The following HDAC8 variants were observed in gnomAD, a reference collection of about 807,000 sequenced individuals.
HDAC8 encodes histone deacetylase-like 1.
Under a neutral mutation model 32.2 loss-of-function variants are expected in HDAC8, and 1 was observed. That is an observed-to-expected ratio of 0.03 (90% confidence interval 0.01 to 0.15). HDAC8 has a LOEUF of 0.15. HDAC8 is among the 10% of genes least tolerant of loss of function. HDAC8 has a pLI of 1.00. For missense variants in HDAC8, 117 were observed against 300.0 expected, an observed-to-expected ratio of 0.39 and a Z score of 4.51; for synonymous variants, 108 against 113.9, an observed-to-expected ratio of 0.95 and a Z score of 0.33.
chrX:72,342,700 T>C (rs1356064600), intron 10 of HDAC8, among the ~76,000 whole-genome samples: 1 of 111,844 alleles, frequency 8.9e-6, no homozygotes, highest in Non-Finnish European at 1.9e-5. Flanking sequence ...CTTTGAATAT[T>C]ATTGGTTTGT....
intron 7 of HDAC8, among the ~76,000 whole-genome samples, chrX:72,466,378 G>A (rs1449549634): frequency 1.8e-5 from 2 of 112,135 alleles, no homozygotes; most frequent in Non-Finnish European, 3.8e-5. Flanking sequence ...CACAGACTAT[G>A]TCAATAAATA....
intron 9 of HDAC8, among the ~76,000 whole-genome samples, chrX:72,436,227 C>T (rs1288485392): frequency 9.0e-6 from 1 of 110,920 alleles, no homozygotes; most frequent in African/African-American, 3.3e-5. Context: ...CTGAATGAGC[C>T]CTAAACATGA....
At chrX:72,536,102 C>T (rs1339648643) in intron 4 of HDAC8, among the ~76,000 whole-genome samples, 2 of 111,840 alleles carry the variant, frequency 1.8e-5, no homozygotes, top group Non-Finnish European at 3.8e-5. Context: ...GGCTCCTTTT[C>T]GTAACACCCC....
chrX:72,515,665 T>C (rs782573468), intron 4 of HDAC8, among the ~76,000 whole-genome samples: 44 of 109,989 alleles, frequency 4.0e-4, no homozygotes, highest in Non-Finnish European at 7.4e-4. Flanking sequence ...AACAGCCCTA[T>C]TGTGACAAGC....
chrX:72,522,616 G>C (rs1276569027), intron 4 of HDAC8, among the ~76,000 whole-genome samples: 1 of 112,259 alleles, frequency 8.9e-6, no homozygotes. Context: ...AGAGCCGATT[G>C]CTGCATATTA....
chrX:72,442,695 T>C (rs1383598151), intron 9 of HDAC8, among the ~76,000 whole-genome samples: 8 of 111,637 alleles, frequency 7.2e-5, no homozygotes, highest in African/African-American at 2.6e-4. Context: ...ATATTAACTT[T>C]AAATGTAAAT....
rs2147618964 is a variant in HDAC8 at position 72,572,733 on chromosome X, C to T, written c.29G>A (p.Ser10Asn). Residue 10 changes from serine (S) to asparagine (N), a missense_variant, in exon 1 of 11, where the codon AGT becomes AAT. Ser to Asn is a conservative substitution (Grantham distance 46). Around this residue, in one of 4 missense-constraint regions of HDAC8, gnomAD observed 37 missense variants for 53.1 expected, o/e 0.70. Coordinates refer to ENST00000373573, the MANE Select transcript of HDAC8 (RefSeq NM_018486.3). MEEPEEPAD[S>N]GQSLVPVYIY... ...ATAAACCGGGACCAGCGACTGCCCACTGTCCGCCGGTTCCTCCGGCTCCTC... is the reference window on the plus strand; with the variant it reads ...ATAAACCGGGACCAGCGACTGCCCATTGTCCGCCGGTTCCTCCGGCTCCTC... 2.5e-6 allele frequency: 3 copies of T among 1,210,756 alleles called. No homozygotes were observed. The highest frequency in any genetic ancestry group is 2.2e-6 in the Non-Finnish European group (2 of 894,909).
chrX:72,572,297 A>T lies in HDAC8; in HGVS notation c.112-188T>A, dbSNP rs1429917009. ...AATACAGATACAAAGTATCAAAATC[A>T]CTAAGGTGAAAGCTACCGGGCCTTA... On this transcript the variant is annotated intron_variant, in intron 1 of 10. Coordinates refer to ENST00000373573, the MANE Select transcript of HDAC8 (RefSeq NM_018486.3). 10 of 440,060 alleles carry T rather than the reference A, an allele frequency of 2.3e-5. No homozygotes were observed. The South Asian group carries it at 4.3e-4, about 19-fold the overall frequency. The allele number at this position is 440,060 out of a possible 1,213,427, so 36.3% of individuals were successfully genotyped here.
intron 4 of HDAC8, among the ~76,000 whole-genome samples, chrX:72,519,858 G>A (rs782064565): frequency 4.5e-5 from 5 of 111,953 alleles, no homozygotes; most frequent in South Asian, 7.5e-4. Flanking sequence ...CCAAAGTGCC[G>A]GAATATACAG....
intron 7 of HDAC8, chrX:72,468,124 G>A: frequency 1.2e-6 from 1 of 839,611 alleles, no homozygotes; most frequent in Non-Finnish European, 1.6e-6. Context: ...GGGCTGGATT[G>A]TGAACACTTT....
intron 4 of HDAC8, among the ~76,000 whole-genome samples, chrX:72,532,072 T>G (rs782739300): frequency 1.8e-5 from 2 of 110,882 alleles, no homozygotes; most frequent in African/African-American, 6.6e-5. Flanking sequence ...TACCATTTTA[T>G]GTTTTTTGTT....
chrX:72,464,913 T>C (rs953904622), intron 7 of HDAC8, among the ~76,000 whole-genome samples, 182 bp from the exon 8 acceptor site: 18 of 111,649 alleles, frequency 1.6e-4, no homozygotes, highest in Non-Finnish European at 2.8e-4. Context: ...AATGATACCT[T>C]AATAAACCTG....
chrX:72,469,214 C>T (rs963524578), intron 7 of HDAC8, among the ~76,000 whole-genome samples: 3 of 111,000 alleles, frequency 2.7e-5, no homozygotes, highest in Non-Finnish European at 3.8e-5. Flanking sequence ...GACAGGGTCT[C>T]AGTCTCTCAC....
At chrX:72,537,888 T>C (rs1040194562) in intron 4 of HDAC8, among the ~76,000 whole-genome samples, 1 of 111,908 alleles carries the variant, frequency 8.9e-6, no homozygotes, top group Non-Finnish European at 1.9e-5. Flanking sequence ...TGAAAGGCAT[T>C]GAAACTAATG....
chrX:72,407,719 C>T (rs1354688218), intron 9 of HDAC8, among the ~76,000 whole-genome samples: 7 of 111,771 alleles, frequency 6.3e-5, no homozygotes, highest in African/African-American at 2.0e-4. Context: ...GAATGTAGTC[C>T]GCTGACTGAT....
intron 9 of HDAC8, among the ~76,000 whole-genome samples, chrX:72,438,990 G>A (rs781975907): frequency 1.3e-4 from 15 of 111,227 alleles, no homozygotes; most frequent in Non-Finnish European, 2.8e-4. Context: ...CTCGAGAAGA[G>A]CAACCCCAAG....
rs1179386606 is a variant in HDAC8 at position 72,558,661 on chromosome X, TC to T, written c.437+9227del. On this transcript the variant is annotated intron_variant, in intron 4 of 10. Transcript: ENST00000373573. ...CTGAACGGGCAAAAGTTGAAAGCAT[TC>T]CCCCCAAGAACTGGAAGAAGAAAAG... Among the ~76,000 whole-genome samples, 4 of 110,690 alleles carry T rather than the reference TC, an allele frequency of 3.6e-5. No individual in the cohort carries two copies. The East Asian group carries it at 1.1e-3, about 32-fold the overall frequency.
chrX:72,375,197 G>C (rs1357293117), intron 9 of HDAC8, among the ~76,000 whole-genome samples: 4 of 111,216 alleles, frequency 3.6e-5, no homozygotes, highest in African/African-American at 1.3e-4. Flanking sequence ...TATTTGTCAG[G>C]GTTCTCCAGA....
intron 9 of HDAC8, among the ~76,000 whole-genome samples, chrX:72,431,628 AATCT>A (rs1158981816): frequency 9.0e-6 from 1 of 110,632 alleles, no homozygotes; most frequent in African/African-American, 3.3e-5. Flanking sequence ...TTCACCAATC[AATCT>A]ATTATTATCT....
Sources: gnomAD v4.1 joint callset for allele counts (sites outside exome capture counted in the v4.1 genomes callset) on GRCh38, gnomAD v4.1.1 for gene constraint, gnomAD v4.1.1 regional missense constraint, MANE v1.5 for transcripts, NCBI Gene and HGNC (gene_info 2026-07-23, HGNC 2026-07-21) for gene names.